Variants in HIVEP2 observed in about 807,000 individuals in gnomAD.
The protein encoded by HIVEP2 is transcription factor HIVEP2.
HIVEP2 carries 14 observed loss-of-function variants against 180.7 expected under a neutral mutation model. That is an observed-to-expected ratio of 0.08 (90% CI 0.05 to 0.12). HIVEP2 has a LOEUF of 0.12. Among genes scored for constraint, HIVEP2 ranks in the 10% least tolerant of loss-of-function variants. The probability of loss-of-function intolerance (pLI) is 1.00; values close to 1 mark genes in which losing one functional copy is unlikely to be tolerated. For missense variants in HIVEP2, 2,579 were observed against 3,008.5 expected, an observed-to-expected ratio of 0.86 and a Z score of 3.34; for synonymous variants, 1,184 against 1,136.4, an observed-to-expected ratio of 1.04 and a Z score of -0.84.
intron 2 of HIVEP2, among the ~76,000 whole-genome samples, chr6:142,793,673 T>TTCTTTCTTTCTTTC (rs1289211652): frequency 2.1e-4 from 23 of 107,512 alleles, no homozygotes; most frequent in African/African-American, 7.4e-4. Flanking sequence ...CTTTCTTTCT[T>TTCTTTCTTTCTTTC]TCTCTCTCTC....
At chr6:142,903,162 C>G (rs1777173946) in intron 1 of HIVEP2, among the ~76,000 whole-genome samples, 1 of 152,182 alleles carries the variant, frequency 6.6e-6, no homozygotes, top group Non-Finnish European at 1.5e-5. Context: ...AAGCACTATA[C>G]CCCCATAAAT....
chr6:142,768,217 A>G (rs1175041444), intron 6 of HIVEP2, among the ~76,000 whole-genome samples, 165 bp downstream of exon 6: 1 of 152,220 alleles, frequency 6.6e-6, no homozygotes, highest in East Asian at 1.9e-4. Context: ...AGGCAAGGGC[A>G]TGAACTTATG....
At chr6:142,885,395 C>T (rs1776671158) in intron 1 of HIVEP2, among the ~76,000 whole-genome samples, 1 of 151,982 alleles carries the variant, frequency 6.6e-6, no homozygotes, top group Non-Finnish European at 1.5e-5. Context: ...CTGCTACCTG[C>T]CTTGAGCAAC....
intron 2 of HIVEP2, among the ~76,000 whole-genome samples, chr6:142,829,592 T>A (rs1194279379): frequency 6.6e-6 from 1 of 152,234 alleles, no homozygotes; most frequent in Non-Finnish European, 1.5e-5. Flanking sequence ...TATAAGCAAC[T>A]TGAAGGCTGA....
chr6:142,831,842 A>G (rs1392508902), intron 2 of HIVEP2, among the ~76,000 whole-genome samples: 2 of 152,194 alleles, frequency 1.3e-5, no homozygotes, highest in Admixed American at 1.3e-4. Flanking sequence ...TCACAAATAT[A>G]ATTAAAATTA....
chr6:142,771,023 T>C lies in HIVEP2; in HGVS notation c.3716A>G (p.Gln1239Arg), dbSNP rs780670579. 10 of 1,614,210 alleles carry C rather than the reference T, an allele frequency of 6.2e-6. No individual in the cohort carries two copies. Among genetic ancestry groups the C allele is most frequent in the Non-Finnish European group, 8.5e-6 (10 of 1,180,032 alleles). Reference protein sequence around the residue: ...HFPHPFAQHPQKSYGKPSFQT... With the variant: ...HFPHPFAQHPRKSYGKPSFQT... ...AAAAGAGGGCTTGCCATAGCTCTTC[T>C]GAGGGTGCTGAGCAAAGGGATGTGG... The change falls in exon 5 of 10, where the codon CAG (glutamine) becomes CGG (arginine). Residue 1239 changes from glutamine (Q) to arginine (R), a missense_variant. Coordinates refer to ENST00000367603, the MANE Select transcript of HIVEP2 (RefSeq NM_006734.4). This position sits in a 1 kb window ranked among gnomAD's most constrained non-coding sequence, Gnocchi z 5.4.
chr6:142,862,723 A>T (rs1259619791), intron 1 of HIVEP2, among the ~76,000 whole-genome samples: 152 of 139,608 alleles, frequency 1.1e-3, no homozygotes, highest in Non-Finnish European at 1.8e-3. Flanking sequence ...TATACATTAC[A>T]TATATTATGT....
At position 142,812,235 on chromosome 6, in the gene HIVEP2, G is replaced by C. The variant is rs112189910; in HGVS notation, c.-528+24700C>G. 5.4e-3 allele frequency among the ~76,000 whole-genome samples: 827 copies of C among 152,306 alleles called. 4 individuals carry two copies. The highest frequency in any genetic ancestry group is 0.019 in the African/African-American group (778 of 41,558). Reference sequence around the variant, plus strand: ...CAGTTGAGTACTGATTGATCAGCACGTGAGGAAACTACCTGCAGCCAGGGA... The same window carrying C: ...CAGTTGAGTACTGATTGATCAGCACCTGAGGAAACTACCTGCAGCCAGGGA... On this transcript the variant is annotated intron_variant, in intron 2 of 9. Transcript: ENST00000367603.
chr6:142,815,488 C>G (rs2114809026), intron 2 of HIVEP2, among the ~76,000 whole-genome samples: 1 of 152,208 alleles, frequency 6.6e-6, no homozygotes, highest in South Asian at 2.1e-4. Flanking sequence ...ATCATTGAGG[C>G]CTTTTACATG....
chr6:142,925,923 C>T (rs1777797198), intron 1 of HIVEP2, among the ~76,000 whole-genome samples: 1 of 152,150 alleles, frequency 6.6e-6, no homozygotes, highest in Admixed American at 6.5e-5. Context: ...GGCTGTGTGT[C>T]CAAAAGAACA....
intron 3 of HIVEP2, among the ~76,000 whole-genome samples, chr6:142,777,724 G>C (rs997063177): frequency 5.6e-5 from 8 of 143,550 alleles, no homozygotes; most frequent in African/African-American, 1.6e-4. Context: ...GGAAAGAAAG[G>C]ATTTTTACCT....
In HIVEP2 at chr6:142,753,863, T is replaced by C; in HGVS notation, c.6585A>G (p.Glu2195=). The C allele has an allele frequency of 6.2e-7, 1 of 1,613,678 alleles. No individual in the cohort carries two copies. ...CAGGGAAAAGGCTGGAGCCTGGATG[T>C]TCATAAGCACCTTCTTGGTCTCCAT... ...SLYGDQEGAY[E]HPGSSLFPEG... is the part of the protein sequence containing the mutation. The change falls in exon 10 of 10, where the codon GAA becomes GAG. Residue 2195 remains glutamate (E), a synonymous_variant. Transcript: ENST00000367603.
At chr6:142,820,172 T>C (rs780546956) in intron 2 of HIVEP2, among the ~76,000 whole-genome samples, 7 of 152,198 alleles carry the variant, frequency 4.6e-5, no homozygotes, top group Non-Finnish European at 1.0e-4. Flanking sequence ...TGGCCAAGCT[T>C]GAAACTATTA....
chr6:142,808,729 A>T (rs1228663431), intron 2 of HIVEP2, among the ~76,000 whole-genome samples: 1 of 141,638 alleles, frequency 7.1e-6, no homozygotes, highest in Non-Finnish European at 1.5e-5. Context: ...TGGGGGAGGG[A>T]TGAATGGATG....
chr6:142,752,946 T>TTA lies in HIVEP2; in HGVS notation c.*160_*161insTA. On this transcript the variant is annotated 3_prime_UTR_variant, in exon 10 of 10. Coordinates refer to ENST00000367603, the MANE Select transcript of HIVEP2 (RefSeq NM_006734.4). ...TGTTTTGGTCAGGCTCATGATGACT[T>TTA]GTTAATTTACCTAATTCTTTTGATA... The TTA allele has an allele frequency of 2.2e-5, 13 of 597,990 alleles. No homozygotes were observed. Among genetic ancestry groups the TTA allele is most frequent in the South Asian group, 1.3e-4 (6 of 47,226 alleles). 37.0% of individuals were successfully genotyped at this position (597,990 alleles called of 1,614,324 possible).
chr6:142,752,833 C>T lies in HIVEP2; in HGVS notation c.*274G>A. The T allele has an allele frequency of 3.0e-6, 1 of 331,576 alleles. No individual in the cohort carries two copies. Among genetic ancestry groups the T allele is most frequent in the Non-Finnish European group, 5.5e-6 (1 of 181,436 alleles). The allele number at this position is 331,576 out of a possible 1,614,324, so 20.5% of individuals were successfully genotyped here. ...ATGTACAAATTACTGCTAAAAAATGCTTATAAGAATATAAGCAAAGTAAAG... is the reference window on the plus strand; with the variant it reads ...ATGTACAAATTACTGCTAAAAAATGTTTATAAGAATATAAGCAAAGTAAAG... On this transcript the variant is annotated 3_prime_UTR_variant, in exon 10 of 10. Transcript: ENST00000367603.
chr6:142,780,979 A>T (rs982869035), intron 3 of HIVEP2, among the ~76,000 whole-genome samples: 2 of 152,242 alleles, frequency 1.3e-5, no homozygotes, highest in Admixed American at 6.5e-5. Context: ...TATGTTAGAT[A>T]AGGAAATCTA....
At chr6:142,844,516 C>T (rs1439148546) in intron 1 of HIVEP2, among the ~76,000 whole-genome samples, 1 of 152,114 alleles carries the variant, frequency 6.6e-6, no homozygotes, top group African/African-American at 2.4e-5. Context: ...TTATGTTTCA[C>T]ATTAATGTTA....
At chr6:142,766,585 A>T (rs555041470) in intron 6 of HIVEP2, among the ~76,000 whole-genome samples, 34 of 152,300 alleles carry the variant, frequency 2.2e-4, no homozygotes, top group Non-Finnish European at 4.3e-4. Context: ...TAGTGATGGG[A>T]AATGCATTTT....
Sources: gnomAD v4.1 joint callset for allele counts (sites outside exome capture counted in the v4.1 genomes callset) on GRCh38, gnomAD v4.1.1 for gene constraint, Gnocchi (gnomAD v3.1) non-coding constraint, MANE v1.5 for transcripts, NCBI Gene and HGNC (gene_info 2026-07-23, HGNC 2026-07-21) for gene names.